The following FRMD4A variants were observed in gnomAD, a reference collection of about 807,000 sequenced individuals.
FRMD4A encodes FERM domain-containing protein 4A.
In FRMD4A, 29 loss-of-function variants were observed where a neutral mutation model predicts 129.1. That is an observed-to-expected ratio of 0.22 (90% CI 0.17 to 0.31). The LOEUF (loss-of-function observed/expected upper bound fraction) is 0.31. Among genes scored for constraint, FRMD4A ranks in the 10% least tolerant of loss-of-function variants. FRMD4A has a pLI of 1.00. For synonymous variants in FRMD4A, 634 were observed against 571.6 expected, an observed-to-expected ratio of 1.11 and a Z score of -1.56; for missense variants, 1,272 against 1,375.8, an observed-to-expected ratio of 0.92 and a Z score of 1.19.
intron 2 of FRMD4A, among the ~76,000 whole-genome samples, chr10:14,285,234 C>A (rs1189578153): frequency 2.0e-5 from 3 of 152,196 alleles, no homozygotes; most frequent in Non-Finnish European, 4.4e-5. Flanking sequence ...TCCAACCCAC[C>A]TTTCCTAGTT....
chr10:14,122,235 G>A (rs1230304301), intron 2 of FRMD4A, among the ~76,000 whole-genome samples: 10 of 152,128 alleles, frequency 6.6e-5, no homozygotes, highest in Non-Finnish European at 1.5e-4. Flanking sequence ...CACAAAAGTA[G>A]CCATTGCTAA....
intron 2 of FRMD4A, among the ~76,000 whole-genome samples, chr10:14,319,349 C>CTCCTCTCTCTCTCTCTCTCTCT (rs1554809202): frequency 7.3e-6 from 1 of 137,302 alleles, no homozygotes; most frequent in Admixed American, 7.3e-5. Context: ...ATCTCTCTCT[C>CTCCTCTCTCTCTCTCTCTCTCT]CTCTCTCTCT....
chr10:14,039,515 TATCTATC>T (rs1261954772), intron 2 of FRMD4A, among the ~76,000 whole-genome samples: 4 of 138,852 alleles, frequency 2.9e-5, no homozygotes, highest in African/African-American at 1.1e-4. Context: ...TCTATCTATC[TATCTATC>T]ATCTTGGAAC....
chr10:14,277,587 A>T (rs1232785866), intron 2 of FRMD4A, among the ~76,000 whole-genome samples: 1 of 152,200 alleles, frequency 6.6e-6, no homozygotes, highest in Non-Finnish European at 1.5e-5. Flanking sequence ...AGTTTATGGT[A>T]TTAGCACTTA....
At chr10:14,305,734 C>T (rs796239589) in intron 2 of FRMD4A, among the ~76,000 whole-genome samples, 6 of 152,086 alleles carry the variant, frequency 3.9e-5, no homozygotes, top group South Asian at 2.1e-4. Flanking sequence ...CCTAAATGCC[C>T]GTCAATGACA....
At chr10:14,028,869 C>G (rs1196026579) in intron 2 of FRMD4A, among the ~76,000 whole-genome samples, 29 of 152,136 alleles carry the variant, frequency 1.9e-4, no homozygotes, top group Admixed American at 1.8e-3. Context: ...AGTTGACAGC[C>G]AAGGTCTCAA....
At chr10:14,075,122 T>C (rs1430643045) in intron 2 of FRMD4A, among the ~76,000 whole-genome samples, 1 of 152,200 alleles carries the variant, frequency 6.6e-6, no homozygotes, top group Non-Finnish European at 1.5e-5. Flanking sequence ...AGGTCACCAC[T>C]GGTCACTAGA....
chr10:14,328,427 A>C (rs1843372604), intron 2 of FRMD4A, among the ~76,000 whole-genome samples: 1 of 150,448 alleles, frequency 6.6e-6, no homozygotes, highest in African/African-American at 2.5e-5. Flanking sequence ...TTGGATACCA[A>C]GGATTCATGC....
intron 2 of FRMD4A, among the ~76,000 whole-genome samples, chr10:14,163,170 T>C (rs1840995759): frequency 6.6e-6 from 1 of 152,252 alleles, no homozygotes; most frequent in Non-Finnish European, 1.5e-5. Context: ...TTGAGTTTCA[T>C]GGTATCCTAC....
chr10:13,944,763 C>T (rs1383740632), intron 2 of FRMD4A, among the ~76,000 whole-genome samples: 2 of 152,186 alleles, frequency 1.3e-5, no homozygotes, highest in Non-Finnish European at 2.9e-5. Flanking sequence ...AAGTTCCTTC[C>T]GTAAAAAAGA....
intron 2 of FRMD4A, among the ~76,000 whole-genome samples, chr10:14,055,409 C>T (rs1332944178): frequency 6.6e-6 from 1 of 150,974 alleles, no homozygotes; most frequent in African/African-American, 2.5e-5. Context: ...TTCTGACTTC[C>T]CTGCACTCTA....
chr10:14,201,522 T>A (rs1371601416), intron 2 of FRMD4A, among the ~76,000 whole-genome samples: 3 of 152,106 alleles, frequency 2.0e-5, no homozygotes, highest in African/African-American at 7.2e-5. Flanking sequence ...TGTGTCTGAG[T>A]TGTACTAATA....
intron 6 of FRMD4A, among the ~76,000 whole-genome samples, chr10:13,781,286 A>T (rs1270960264): frequency 7.5e-6 from 1 of 133,144 alleles, no homozygotes; most frequent in Non-Finnish European, 1.6e-5. Flanking sequence ...CCTGGGCGAG[A>T]GAGACCCTGT....
chr10:14,043,912 G>A (rs762648153), intron 2 of FRMD4A, among the ~76,000 whole-genome samples: 1 of 151,970 alleles, frequency 6.6e-6, no homozygotes, highest in Non-Finnish European at 1.5e-5. Flanking sequence ...CTATAACTTC[G>A]AACTGTGGGA....
intron 3 of FRMD4A, among the ~76,000 whole-genome samples, chr10:13,838,784 C>T (rs926625020): frequency 1.3e-5 from 2 of 152,126 alleles, no homozygotes; most frequent in African/African-American, 4.8e-5. Flanking sequence ...TGAGCCACCG[C>T]GCCTGCCTAT....
intron 2 of FRMD4A, among the ~76,000 whole-genome samples, chr10:14,052,713 C>T (rs1834319534): frequency 7.0e-6 from 1 of 143,202 alleles, no homozygotes; most frequent in Non-Finnish European, 1.6e-5. Flanking sequence ...TGCTCACCAC[C>T]ATAACTGGCT....
rs550845585 is a variant in FRMD4A, at chr10:13,832,798, C to G, written c.112-21890G>C. Among the ~76,000 whole-genome samples, 304 of 152,240 alleles carry G rather than the reference C, an allele frequency of 2.0e-3. 1 individual carries two copies. Among genetic ancestry groups the G allele is most frequent in the African/African-American group, 7.0e-3 (290 of 41,548 alleles). On this transcript the variant is annotated intron_variant, in intron 3 of 24. Transcript: ENST00000357447. ...GGGACTAGAGGTGAATGCCACCACA[C>G]CCGGCTAATTTTTAAATTTTTTATA... is the stretch of plus-strand genomic sequence containing the variant.
intron 2 of FRMD4A, among the ~76,000 whole-genome samples, chr10:14,059,868 G>C (rs1834723799): frequency 6.6e-6 from 1 of 152,140 alleles, no homozygotes; most frequent in Non-Finnish European, 1.5e-5. Flanking sequence ...TTTTCTATGT[G>C]CCAGGCACCC....
chr10:13,872,802 A>C (rs1589116382), intron 2 of FRMD4A, among the ~76,000 whole-genome samples: 2 of 152,384 alleles, frequency 1.3e-5, no homozygotes, highest in South Asian at 4.1e-4. Context: ...TGTTTGGAGT[A>C]GAATGAGAGG....
Sources: gnomAD v4.1 joint callset for allele counts (sites outside exome capture counted in the v4.1 genomes callset) on GRCh38, gnomAD v4.1.1 for gene constraint, MANE v1.5 for transcripts, NCBI Gene and HGNC (gene_info 2026-07-23, HGNC 2026-07-21) for gene names.